Variants in NRXN1 observed in about 807,000 individuals in gnomAD.
The protein encoded by NRXN1 is neurexin 1.
A neutral mutation model predicts 150.9 loss-of-function variants in NRXN1; 39 were observed. The observed-to-expected ratio is 0.26, with a 90% CI of 0.20 to 0.34. The LOEUF is 0.34. Among genes scored for constraint, NRXN1 ranks in the 10% least tolerant of loss-of-function variants. The probability of loss-of-function intolerance (pLI) is 1.00; values close to 1 mark genes in which losing one functional copy is unlikely to be tolerated. For synonymous variants in NRXN1, 924 were observed against 757.0 expected (o/e 1.22, Z -3.62); for missense variants, 1,815 against 1,949.9 (o/e 0.93, Z 1.30).
intron 18 of NRXN1, among the ~76,000 whole-genome samples, chr2:50,121,115 C>T (rs185005029): frequency 6.6e-5 from 10 of 152,192 alleles, no homozygotes; most frequent in Admixed American, 2.6e-4. Context: ...ACCTCTGCCT[C>T]CGGGTTCAAG....
chr2:50,549,796 A>G (rs969357873), intron 9 of NRXN1, among the ~76,000 whole-genome samples: 1 of 152,190 alleles, frequency 6.6e-6, no homozygotes, highest in Non-Finnish European at 1.5e-5. Flanking sequence ...ATTAGATTGC[A>G]TCAATACTTT....
chr2:49,924,719 A>G (rs997697885), intron 22 of NRXN1, among the ~76,000 whole-genome samples: 1 of 152,196 alleles, frequency 6.6e-6, no homozygotes, highest in Non-Finnish European at 1.5e-5. Context: ...CCAGATGTAA[A>G]TCCCAGATGT....
chr2:50,543,038 TG>T, intron 9 of NRXN1, among the ~76,000 whole-genome samples: 1 of 152,122 alleles, frequency 6.6e-6, no homozygotes, highest in East Asian at 1.9e-4. Flanking sequence ...ATTGAGTAGT[TG>T]CCAAACTCTA....
intron 12 of NRXN1, among the ~76,000 whole-genome samples, chr2:50,520,725 A>G (rs1381408909): frequency 6.6e-6 from 1 of 152,010 alleles, no homozygotes; most frequent in Non-Finnish European, 1.5e-5. Flanking sequence ...CAGTTGATTT[A>G]TTAAACAGAA....
At chr2:50,574,217 GA>G (rs1419554459) in intron 8 of NRXN1, among the ~76,000 whole-genome samples, 1 of 152,004 alleles carries the variant, frequency 6.6e-6, no homozygotes, top group African/African-American at 2.4e-5. Context: ...GGCAATAAAA[GA>G]AAGCCCCAAA....
At chr2:50,880,846 C>T (rs973195477) in intron 5 of NRXN1, among the ~76,000 whole-genome samples, 2 of 151,800 alleles carry the variant, frequency 1.3e-5, no homozygotes, top group African/African-American at 4.8e-5. Flanking sequence ...TGGGGCTGTA[C>T]CAAATGGAAC....
At position 50,070,049 on chromosome 2, in the gene NRXN1, A is replaced by G. The variant is rs1005478948; in HGVS notation, c.3719-15005T>C. 4.0e-5 allele frequency among the ~76,000 whole-genome samples: 6 copies of G among 151,652 alleles called. No homozygotes were observed. The East Asian group carries it at 7.8e-4, about 20-fold the overall frequency. On this transcript the variant is annotated intron_variant, in intron 19 of 22. Coordinates refer to ENST00000401669, the MANE Select transcript of NRXN1 (RefSeq NM_001330078.2). ...GTATTTTTAGTAGAGACGGGTTTTC[A>G]CCGTGTTAGCCAGGGTGATTTCGAT...
rs562168904 is a variant in NRXN1, at chr2:50,983,903, T to A, written c.772+43599A>T. ...AGTAGAGTGGATAGACATTAGCTAC[T>A]AACAAATATTTGCTGGCAAAAAGCT... On this transcript the variant is annotated intron_variant, in intron 2 of 22. Transcript: ENST00000401669. Among the ~76,000 whole-genome samples the A allele has an allele frequency of 2.0e-5, 3 of 152,158 alleles. No homozygotes were observed. The East Asian group carries it at 5.8e-4, about 29-fold the overall frequency.
At chr2:50,795,879 T>C (rs537101753) in intron 5 of NRXN1, among the ~76,000 whole-genome samples, 44 of 152,188 alleles carry the variant, frequency 2.9e-4, no homozygotes, top group African/African-American at 9.4e-4. Flanking sequence ...GCTGGAATGA[T>C]TGGCTCACAA....
At chr2:50,027,761 A>G (rs1423002606) in intron 21 of NRXN1, among the ~76,000 whole-genome samples, 4 of 152,124 alleles carry the variant, frequency 2.6e-5, no homozygotes, top group Non-Finnish European at 5.9e-5. Flanking sequence ...AGGGCCCTGC[A>G]TATTGTAGTC....
At chr2:50,162,559 A>G (rs992364891) in intron 18 of NRXN1, among the ~76,000 whole-genome samples, 2 of 152,164 alleles carry the variant, frequency 1.3e-5, no homozygotes, top group African/African-American at 4.8e-5. Context: ...GAAGATTAAG[A>G]TAAAACCATA....
At chr2:50,473,058 C>A (rs1017861746) in intron 15 of NRXN1, among the ~76,000 whole-genome samples, 1 of 151,808 alleles carries the variant, frequency 6.6e-6, no homozygotes, top group Non-Finnish European at 1.5e-5. Context: ...CAGTAAATTT[C>A]TTCTTGTATC....
At chr2:50,564,818 T>C (rs2105417528) in intron 8 of NRXN1, among the ~76,000 whole-genome samples, 1 of 152,348 alleles carries the variant, frequency 6.6e-6, no homozygotes, top group South Asian at 2.1e-4. Context: ...TCTTTAATTA[T>C]TTCTTTGGAA....
chr2:50,779,332 C>T (rs1035925388), intron 5 of NRXN1, among the ~76,000 whole-genome samples: 3 of 152,132 alleles, frequency 2.0e-5, no homozygotes, highest in African/African-American at 7.2e-5. Context: ...TAATCCATGT[C>T]CCTGCAAAAT....
At chr2:50,923,724 A>C (rs1180617684) in intron 3 of NRXN1, among the ~76,000 whole-genome samples, 1 of 151,838 alleles carries the variant, frequency 6.6e-6, no homozygotes, top group Non-Finnish European at 1.5e-5. Context: ...GTTTTAATAA[A>C]CTTGTATTTT....
chr2:50,907,186 C>A (rs142314399), intron 5 of NRXN1, among the ~76,000 whole-genome samples: 1,875 of 141,048 alleles, frequency 0.013, 40 homozygotes, highest in East Asian at 0.088. Flanking sequence ...ACCAAAAAAC[C>A]AAAAAAAAAA....
chr2:50,059,152 G>C (rs1694097345), intron 19 of NRXN1, among the ~76,000 whole-genome samples: 1 of 152,112 alleles, frequency 6.6e-6, no homozygotes, highest in Non-Finnish European at 1.5e-5. Flanking sequence ...GAATGATGTT[G>C]ACCAAAAAGT....
At chr2:50,381,818 T>C (rs928855540) in intron 17 of NRXN1, among the ~76,000 whole-genome samples, 3 of 152,142 alleles carry the variant, frequency 2.0e-5, no homozygotes, top group Admixed American at 1.3e-4. Flanking sequence ...CTAGCAAATA[T>C]GCTTCAGTGT....
At chr2:50,118,359 G>C (rs926484500) in intron 18 of NRXN1, among the ~76,000 whole-genome samples, 1 of 152,106 alleles carries the variant, frequency 6.6e-6, no homozygotes, top group African/African-American at 2.4e-5. Context: ...GTATGGGGAA[G>C]ATTCGTGGAT....
Sources: allele counts gnomAD v4.1 joint callset (sites outside exome capture counted in the v4.1 genomes callset), GRCh38; gene constraint gnomAD v4.1.1; transcripts MANE v1.5; gene names NCBI Gene and HGNC (gene_info 2026-07-23, HGNC 2026-07-21).